The following RAPGEF6 variants were observed in gnomAD, a reference collection of about 807,000 sequenced individuals.
RAPGEF6 encodes the protein Rap guanine nucleotide exchange factor 6.
In RAPGEF6, 56 loss-of-function variants were observed where a neutral mutation model predicts 171.4. The observed-to-expected ratio is 0.33, with a 90% CI of 0.26 to 0.41. The LOEUF is 0.41. Among genes scored for constraint, RAPGEF6 ranks in the 10% least tolerant of loss-of-function variants. RAPGEF6 has a pLI of 1.00. For missense variants in RAPGEF6, 1,674 were observed against 1,921.4 expected, an observed-to-expected ratio of 0.87 and a Z score of 2.41; for synonymous variants, 692 against 650.1, an observed-to-expected ratio of 1.06 and a Z score of -0.98.
intron 17 of RAPGEF6, 91 bp from the exon 18 acceptor site, chr5:131,464,372 G>A (rs765464848): frequency 5.3e-5 from 48 of 912,014 alleles, no homozygotes; most frequent in Non-Finnish European, 7.9e-5. Context: ...TGATCCCTCT[G>A]AACACTGAAA....
At chr5:131,529,309 C>T (rs1303367365) in intron 6 of RAPGEF6, among the ~76,000 whole-genome samples, 2 of 151,808 alleles carry the variant, frequency 1.3e-5, no homozygotes, top group East Asian at 3.9e-4. Context: ...AACTCCACCT[C>T]CACTAAAAAC....
intron 1 of RAPGEF6, among the ~76,000 whole-genome samples, chr5:131,632,956 A>G (rs1231350506): frequency 1.3e-5 from 2 of 152,208 alleles, no homozygotes; most frequent in Admixed American, 6.5e-5. Flanking sequence ...TTCTGTTCCA[A>G]TTAAGCACAA....
rs767192131 is a variant in RAPGEF6, at chr5:131,442,533, G to A, written c.3426C>T (p.Thr1142=). The change falls in exon 23 of 28, where the codon ACC becomes ACT. Residue 1142 remains threonine (T), a synonymous_variant. Coordinates refer to ENST00000509018, the MANE Select transcript of RAPGEF6 (RefSeq NM_016340.6). The stretch of plus-strand genomic sequence containing the variant: ...CTGATCTTTTCTCACTTAAATTCTT[G>A]GTCACTAACAGGAGAGAGTAAGAAA... ...LQWEPAYGTL[T]KNLSEKRSAK... 1 of 1,613,338 alleles carries A rather than the reference G, an allele frequency of 6.2e-7. No individual in the cohort carries two copies. The highest frequency in any genetic ancestry group is 1.1e-5 in the South Asian group (1 of 90,960).
At chr5:131,473,467 A>T (rs376104707) in intron 16 of RAPGEF6, among the ~76,000 whole-genome samples, 9 of 152,238 alleles carry the variant, frequency 5.9e-5, no homozygotes, top group African/African-American at 2.2e-4. Flanking sequence ...ACTGTCACTT[A>T]GGTTTTAGAT....
intron 15 of RAPGEF6, among the ~76,000 whole-genome samples, chr5:131,488,373 T>C (rs1756065136): frequency 6.6e-6 from 1 of 152,202 alleles, no homozygotes; most frequent in Admixed American, 6.5e-5. Flanking sequence ...GAAATAGTGC[T>C]AGAGAAACTG....
intron 4 of RAPGEF6, among the ~76,000 whole-genome samples, chr5:131,575,510 A>ATCTCCGAAACCCCAACCC (rs1762552715): frequency 6.6e-6 from 1 of 152,152 alleles, no homozygotes; most frequent in Admixed American, 6.5e-5. Flanking sequence ...TGTCCAGCTA[A>ATCTCCGAAACCCCAACCC]TCTCCGAAAC....
At chr5:131,569,382 C>A (rs774437719) in intron 4 of RAPGEF6, among the ~76,000 whole-genome samples, 1 of 152,060 alleles carries the variant, frequency 6.6e-6, no homozygotes, top group Non-Finnish European at 1.5e-5. Context: ...TTAAAGGAGA[C>A]AGAACAAATG....
chr5:131,531,829 C>A (rs1759401965), intron 6 of RAPGEF6, among the ~76,000 whole-genome samples: 1 of 151,902 alleles, frequency 6.6e-6, no homozygotes, highest in Admixed American at 6.6e-5. Flanking sequence ...ACAGCAATAG[C>A]CATAATCAAA....
In RAPGEF6 at chr5:131,575,237, T is replaced by A. The variant is rs141483561; in HGVS notation, c.282-13190A>T. 2.0e-5 allele frequency among the ~76,000 whole-genome samples: 3 copies of A among 152,280 alleles called. No homozygotes were observed. In the East Asian group the frequency reaches 5.8e-4, roughly 29 times the overall value. On this transcript the variant is annotated intron_variant, in intron 4 of 27. Coordinates refer to ENST00000509018, the MANE Select transcript of RAPGEF6 (RefSeq NM_016340.6). ...CCACCTGGACTGTACTGCCAAGGCT[T>A]CAGAGACAGCCCCCATTACTTTAGT...
intron 4 of RAPGEF6, among the ~76,000 whole-genome samples, chr5:131,575,415 T>A (rs1300258593): frequency 6.6e-6 from 1 of 152,124 alleles, no homozygotes; most frequent in Non-Finnish European, 1.5e-5. Flanking sequence ...GTATCGCGTA[T>A]CCCCCTCTAA....
chr5:131,504,509 T>C (rs1256495232), intron 11 of RAPGEF6, 117 bp downstream of exon 11: 2 of 1,093,368 alleles, frequency 1.8e-6, no homozygotes, highest in African/African-American at 1.6e-5. Flanking sequence ...ACATTTAAGT[T>C]AGATGCCAAA....
At chr5:131,524,609 T>TGGAGAGGGAGGGGG (rs1758747131) in intron 6 of RAPGEF6, among the ~76,000 whole-genome samples, 2 of 134,906 alleles carry the variant, frequency 1.5e-5, no homozygotes, top group African/African-American at 5.7e-5. Flanking sequence ...AGAGAGAGAT[T>TGGAGAGGGAGGGGG]GAGAGAGAGA....
At position 131,507,765 on chromosome 5, in the gene RAPGEF6, T is replaced by C. The variant is rs141195293; in HGVS notation, c.942+306A>G. Among the ~76,000 whole-genome samples the C allele has an allele frequency of 6.7e-3, 1,028 of 152,324 alleles. 35 individuals are homozygous for C. Among genetic ancestry groups the C allele is most frequent in the East Asian group, 0.045 (233 of 5,188 alleles). Reference sequence around the variant, plus strand: ...AATAGAAAAATATTCAAGAATCTTTTAAATCTATTTCATCTATTTAAATTT... The same window carrying C: ...AATAGAAAAATATTCAAGAATCTTTCAAATCTATTTCATCTATTTAAATTT... On this transcript the variant is annotated intron_variant, in intron 9 of 27. Transcript: ENST00000509018.
intron 1 of RAPGEF6, among the ~76,000 whole-genome samples, chr5:131,622,738 A>T (rs1197294566): frequency 6.6e-6 from 1 of 152,204 alleles, no homozygotes; most frequent in African/African-American, 2.4e-5. Flanking sequence ...AACTGGATTT[A>T]CAAATGAAGG....
At chr5:131,518,479 C>A (rs1758250779) in intron 7 of RAPGEF6, among the ~76,000 whole-genome samples, 1 of 151,262 alleles carries the variant, frequency 6.6e-6, no homozygotes, top group African/African-American at 2.4e-5. Context: ...GTCACCGCAA[C>A]CTCCGCCTCC....
intron 17 of RAPGEF6, among the ~76,000 whole-genome samples, chr5:131,466,488 CTCCCACAAT>C (rs1358807341): frequency 6.6e-6 from 1 of 152,188 alleles, no homozygotes; most frequent in African/African-American, 2.4e-5. Flanking sequence ...TGAATTGTAA[CTCCCACAAT>C]TCCCACATGT....
chr5:131,477,050 G>T (rs1369774216), intron 16 of RAPGEF6, among the ~76,000 whole-genome samples: 1 of 151,972 alleles, frequency 6.6e-6, no homozygotes, highest in Non-Finnish European at 1.5e-5. Context: ...TTTTTCCATT[G>T]AAGTTTTAGT....
chr5:131,548,100 T>C lies in RAPGEF6; in HGVS notation c.442A>G (p.Lys148Glu). ...SRRRFRKINY[K>E]GERQTITDDV... is the part of the protein sequence containing the mutation. ...TCAGTAATGGTTTGGCGCTCTCCTT[T>C]ATAGTTAATTTTCCGAAATCTTCTT... The change falls in exon 6 of 28, where the codon AAA becomes GAA. Residue 148 changes from lysine (K) to glutamate (E), a missense_variant. Transcript: ENST00000509018. 6.2e-7 allele frequency: 1 copy of C among 1,614,062 alleles called. No individual in the cohort carries two copies. Among genetic ancestry groups the C allele is most frequent in the Non-Finnish European group, 8.5e-7 (1 of 1,179,966 alleles).
intron 6 of RAPGEF6, among the ~76,000 whole-genome samples, chr5:131,546,288 G>T (rs7714362): frequency 0.13 from 19,089 of 152,078 alleles, 3,364 homozygotes; most frequent in African/African-American, 0.4. Flanking sequence ...GGCATACATT[G>T]TACTTAGCAC....
Sources: allele counts gnomAD v4.1 joint callset (sites outside exome capture counted in the v4.1 genomes callset), GRCh38; gene constraint gnomAD v4.1.1; transcripts MANE v1.5; gene names NCBI Gene and HGNC (gene_info 2026-07-23, HGNC 2026-07-21).